IL23R: variants seen among roughly 807,000 people sequenced by gnomAD.
The protein encoded by IL23R is interleukin-23 receptor.
In IL23R, 34 loss-of-function variants were observed where a neutral mutation model predicts 56.9. The ratio of observed to expected loss-of-function variants is 0.60; its 90% CI spans 0.45 to 0.80. IL23R has a LOEUF of 0.80. IL23R is among the 30% of genes least tolerant of loss of function. IL23R has a pLI of 0.00. For synonymous variants in IL23R, 230 were observed against 249.2 expected (o/e 0.92, Z 0.73); for missense variants, 635 against 730.0 (o/e 0.87, Z 1.50).
intron 6 of IL23R, 168 bp downstream of exon 6, chr1:67,207,223 A>G: frequency 2.5e-6 from 2 of 797,322 alleles, no homozygotes; most frequent in Non-Finnish European, 4.2e-6. Flanking sequence ...CTTTTATTTT[A>G]GATTCGGGGG....
intron 5 of IL23R, among the ~76,000 whole-genome samples, chr1:67,206,524 A>G (rs940528451): frequency 6.6e-6 from 1 of 152,150 alleles, no homozygotes; most frequent in Non-Finnish European, 1.5e-5. Flanking sequence ...ATTTGGGTGC[A>G]TATCATCTCT....
At chr1:67,204,173 C>G (rs1341527287) in intron 5 of IL23R, among the ~76,000 whole-genome samples, 1 of 152,136 alleles carries the variant, frequency 6.6e-6, no homozygotes, top group African/African-American at 2.4e-5. Context: ...ACGCCATTCT[C>G]CTGCCTCAGC....
Position 67,205,745 on chromosome 1 carries a change from C to G in IL23R, c.653-1165C>G, listed in dbSNP as rs553589248. Among the ~76,000 whole-genome samples the G allele has an allele frequency of 3.9e-5, 6 of 152,186 alleles. No homozygotes were observed. In the South Asian group the frequency reaches 6.2e-4, roughly 16 times the overall value. ...GATCTGCTTTCTTCAAATAAAATTT[C>G]AAGGAAGGACAGATTTATTTTAAAG... On this transcript the variant is annotated intron_variant, in intron 5 of 10. Transcript: ENST00000347310.
intron 1 of IL23R, among the ~76,000 whole-genome samples, chr1:67,151,377 A>C (rs1291646667): frequency 2.0e-5 from 3 of 151,988 alleles, no homozygotes; most frequent in South Asian, 2.1e-4. Flanking sequence ...AGATTGCAAA[A>C]ATTTTCTCCC....
At chr1:67,162,570 A>G (rs1211714977), upstream of IL23R, among the ~76,000 whole-genome samples, 1 of 152,244 alleles carries the variant, frequency 6.6e-6, no homozygotes, top group African/African-American at 2.4e-5. Context: ...GGGCTCAAAT[A>G]TCCCTGAATT....
intron 6 of IL23R, among the ~76,000 whole-genome samples, chr1:67,208,491 G>A (rs1649234996): frequency 6.6e-6 from 1 of 152,214 alleles, no homozygotes; most frequent in South Asian, 2.1e-4. Flanking sequence ...TTGGTGCCCT[G>A]TGTCCCAGCT....
At chr1:67,164,444 C>T (rs944675896), upstream of IL23R, among the ~76,000 whole-genome samples, 1 of 152,064 alleles carries the variant, frequency 6.6e-6, no homozygotes, top group Non-Finnish European at 1.5e-5. Flanking sequence ...ACTAGCCTGA[C>T]CAACATGGTG....
chr1:67,207,270 G>C, intron 6 of IL23R: 1 of 630,242 alleles, frequency 1.6e-6, no homozygotes, highest in East Asian at 3.0e-5. Flanking sequence ...ATATTGCATG[G>C]TATTGAGGTT....
intron 9 of IL23R, among the ~76,000 whole-genome samples, chr1:67,243,483 C>T (rs1167952266): frequency 6.6e-6 from 1 of 152,016 alleles, no homozygotes; most frequent in African/African-American, 2.4e-5. Context: ...TGACAGGCCC[C>T]AATGTGTGAT....
intron 4 of IL23R, among the ~76,000 whole-genome samples, chr1:67,191,741 C>T (rs183819795): frequency 1.5e-4 from 23 of 152,288 alleles, no homozygotes; most frequent in Non-Finnish European, 4.4e-5. Flanking sequence ...CTGATGATTT[C>T]CCCATTGCCA....
chr1:67,243,179 T>A (rs1405183690), intron 9 of IL23R, among the ~76,000 whole-genome samples: 1 of 152,190 alleles, frequency 6.6e-6, no homozygotes, highest in Non-Finnish European at 1.5e-5. Context: ...TGAATACCAG[T>A]TGTTTCTCCA....
intron 7 of IL23R, among the ~76,000 whole-genome samples, chr1:67,235,713 T>C (rs1206124765): frequency 1.3e-5 from 2 of 152,150 alleles, no homozygotes; most frequent in African/African-American, 4.8e-5. Context: ...TTTTCAAAAA[T>C]TTCTGAAGCC....
chr1:67,240,219 C>CT lies in IL23R; in HGVS notation c.1089dup (p.Ala364CysfsTer14). 5 of 1,613,170 alleles carry CT rather than the reference C, an allele frequency of 3.1e-6. No individual in the cohort carries two copies. The highest frequency in any genetic ancestry group is 4.2e-6 in the Non-Finnish European group (5 of 1,179,258). On this transcript the variant is annotated frameshift_variant, in exon 9 of 11. Coordinates refer to ENST00000347310, the MANE Select transcript of IL23R (RefSeq NM_144701.3). LOFTEE classifies it high-confidence loss of function. ...TTGGACTTTTATTGGGAATGATCGT[C>CT]TTTGCTGTTATGTTGTCAATTCTTT...
chr1:67,217,557 T>C (rs1372370314), intron 6 of IL23R, among the ~76,000 whole-genome samples: 2 of 151,894 alleles, frequency 1.3e-5, no homozygotes, highest in Non-Finnish European at 2.9e-5. Context: ...CAGAGTGCAT[T>C]TGAGAGTCAA....
intron 4 of IL23R, among the ~76,000 whole-genome samples, chr1:67,193,478 A>G (rs1004054617): frequency 3.9e-5 from 6 of 152,238 alleles, no homozygotes; most frequent in Non-Finnish European, 7.3e-5. Flanking sequence ...TGAATGAAAG[A>G]CACTATTTAC....
At chr1:67,186,077 C>G (rs997538383) in intron 4 of IL23R, among the ~76,000 whole-genome samples, 1 of 152,210 alleles carries the variant, frequency 6.6e-6, no homozygotes, top group East Asian at 1.9e-4. Context: ...ACCTCTACCC[C>G]TTGCCTATAG....
At chr1:67,219,757 G>C (rs2100230123) in intron 7 of IL23R, 27 bp downstream of exon 7, 1 of 1,606,040 alleles carries the variant, frequency 6.2e-7, no homozygotes, top group South Asian at 1.1e-5. Flanking sequence ...ATTTTATTCT[G>C]TTGGGCTTTT....
intron 4 of IL23R, among the ~76,000 whole-genome samples, chr1:67,187,577 T>C (rs1647428729): frequency 6.6e-6 from 1 of 152,098 alleles, no homozygotes; most frequent in Non-Finnish European, 1.5e-5. Flanking sequence ...AAGTAAGGAA[T>C]ATTTGTAGTA....
intron 9 of IL23R, among the ~76,000 whole-genome samples, chr1:67,246,179 C>A (rs1161687304): frequency 6.6e-6 from 1 of 152,046 alleles, no homozygotes; most frequent in Admixed American, 6.6e-5. Flanking sequence ...TTTTTTATTG[C>A]ATCTATTTGA....
Sources: gnomAD v4.1 joint callset for allele counts (sites outside exome capture counted in the v4.1 genomes callset) on GRCh38, gnomAD v4.1.1 for gene constraint, MANE v1.5 for transcripts, NCBI Gene and HGNC (gene_info 2026-07-23, HGNC 2026-07-21) for gene names.